ZNF880: variants seen among roughly 807,000 people sequenced by gnomAD.
The protein encoded by ZNF880 is zinc finger protein 880.
In ZNF880, 12 loss-of-function variants were observed where a neutral mutation model predicts 11.8. The ratio of observed to expected loss-of-function variants is 1.02; its 90% CI spans 0.65 to 1.65. The LOEUF (loss-of-function observed/expected upper bound fraction) is 1.65, where lower values mean the gene tolerates loss of function less well. Ranked by LOEUF, ZNF880 falls within the 40% of genes most tolerant of loss-of-function variation. The pLI is 0.00. For missense variants in ZNF880, 601 were observed against 673.9 expected, an observed-to-expected ratio of 0.89 and a Z score of 1.20; for synonymous variants, 210 against 232.4, an observed-to-expected ratio of 0.90 and a Z score of 0.88.
chr19:52,391,745 T>C, the ZNF880 span, among the ~76,000 whole-genome samples: 1 of 152,216 alleles, frequency 6.6e-6, no homozygotes, highest in African/African-American at 2.4e-5. Context: ...AGAGGTTAGC[T>C]TCCATTTGCT....
chr19:52,395,490 G>T, the ZNF880 span: 1 of 152,206 alleles, frequency 6.6e-6, no homozygotes, highest in Non-Finnish European at 1.5e-5. Flanking sequence ...TGTGAAGCAG[G>T]TTCACTGCAC....
Position 52,384,861 on chromosome 19 carries a change from A to G in ZNF880, c.1281A>G (p.Leu427=). The G allele has an allele frequency of 6.2e-7, 1 of 1,611,582 alleles. No individual in the cohort carries two copies. The highest frequency in any genetic ancestry group is 8.5e-7 in the Non-Finnish European group (1 of 1,178,572). Residue 427 remains leucine, a synonymous_variant, in exon 4 of 4, where the codon CTA becomes CTG. Coordinates refer to ENST00000422689, the MANE Select transcript of ZNF880 (RefSeq NM_001145434.2). Reference sequence around the variant, plus strand: ...ACTGTTCAGGCCTTACTGCCCATCTACTAATTCACACTGGAGAGAAACCTT... The same window carrying G: ...ACTGTTCAGGCCTTACTGCCCATCTGCTAATTCACACTGGAGAGAAACCTT... ...FRDCSGLTAH[L]LIHTGEKPYK... is the part of the protein sequence containing the mutation.
intron 1 of ZNF880, chr19:52,370,697 CTT>C (rs990295517): frequency 1.3e-5 from 2 of 152,174 alleles, no homozygotes; most frequent in African/African-American, 4.8e-5. Context: ...CATGGTCTGA[CTT>C]TTTGAAATAG....
chr19:52,378,923 T>A (rs1264309727), intron 3 of ZNF880, among the ~76,000 whole-genome samples: 1 of 150,320 alleles, frequency 6.7e-6, no homozygotes, highest in South Asian at 2.1e-4. Flanking sequence ...ACAAAACATA[T>A]AAAAATTTGG....
Position 52,383,837 on chromosome 19 carries a change from T to C in ZNF880, c.269-12T>C. ...CATGGGTTGAAGTTCCACTTTTTTC[T>C]TTCTTTTTTAGAGAGCAGCTCTAAA... On this transcript the variant is annotated splice_polypyrimidine_tract_variant and intron_variant, in intron 3 of 3. Transcript: ENST00000422689. The C allele has an allele frequency of 1.3e-6, 2 of 1,511,784 alleles. No individual in the cohort carries two copies. Among genetic ancestry groups the C allele is most frequent in the Non-Finnish European group, 1.8e-6 (2 of 1,132,408 alleles). The allele number at this position is 1,511,784 out of a possible 1,614,324, so 93.6% of individuals were successfully genotyped here.
Position 52,384,137 on chromosome 19 carries a change from G to A in ZNF880, c.557G>A (p.Cys186Tyr), listed in dbSNP as rs114874361. The A allele has an allele frequency of 7.8e-4, 1,252 of 1,604,672 alleles. 9 individuals carry two copies. The African/African-American group carries it at 0.014, about 18-fold the overall frequency. ...KAQIREKPCE[C>Y]NEHGKAFRVS... Reference sequence around the variant, plus strand: ...CAAATAAGGGAAAAACCGTGTGAATGTAATGAGCATGGCAAAGCCTTTAGA... The same window carrying A: ...CAAATAAGGGAAAAACCGTGTGAATATAATGAGCATGGCAAAGCCTTTAGA... The change falls in exon 4 of 4, where the codon TGT (cysteine) becomes TAT (tyrosine). Residue 186 changes from cysteine (C) to tyrosine (Y), a missense_variant. Physicochemically the swap from Cys to Tyr is radical, Grantham distance 194 (BLOSUM62 -2). Around this residue, in one of 3 missense-constraint regions of ZNF880, gnomAD observed 420 missense variants for 442.6 expected, o/e 0.95. Transcript: ENST00000422689.
At chr19:52,370,271 G>A (rs1986325204) in intron 1 of ZNF880, 1 of 447,478 alleles carries the variant, frequency 2.2e-6, no homozygotes, top group Admixed American at 3.5e-5. Flanking sequence ...GCTGCGTAAA[G>A]TTCTCACCCG....
intron 3 of ZNF880, among the ~76,000 whole-genome samples, chr19:52,375,115 G>T (rs1275792179): frequency 2.0e-5 from 3 of 147,408 alleles, no homozygotes; most frequent in African/African-American, 7.4e-5. Flanking sequence ...TTGCTTGTTT[G>T]TTTTTGAGAT....
intron 3 of ZNF880, chr19:52,379,527 C>T (rs762715700): frequency 6.7e-5 from 29 of 436,038 alleles, no homozygotes; most frequent in South Asian, 3.9e-4. Flanking sequence ...TCCCCAAGTG[C>T]TAGGATTACA....
downstream of ZNF880, among the ~76,000 whole-genome samples, chr19:52,386,171 C>A (rs867445995): frequency 0.031 from 2,366 of 76,262 alleles, 2 homozygotes; most frequent in Admixed American, 0.033. Flanking sequence ...GACTCTGTCT[C>A]AAAAAAAAAA....
the ZNF880 span, chr19:52,391,434 T>C: frequency 6.8e-6 from 1 of 146,108 alleles, no homozygotes; most frequent in Non-Finnish European, 1.5e-5. Context: ...GCAGAACAAG[T>C]GGAAGAGAAG....
At chr19:52,393,101 C>T in the ZNF880 span, among the ~76,000 whole-genome samples, 1 of 148,670 alleles carries the variant, frequency 6.7e-6, no homozygotes, top group Non-Finnish European at 1.5e-5. Context: ...GAGACAGAGT[C>T]TCACTCTGTT....
chr19:52,386,136 C>T (rs1252567005), downstream of ZNF880, among the ~76,000 whole-genome samples: 4 of 129,384 alleles, frequency 3.1e-5, no homozygotes, highest in Non-Finnish European at 4.8e-5. Flanking sequence ...CACGCCACTG[C>T]ACTCCAGCCT....
intron 3 of ZNF880, among the ~76,000 whole-genome samples, chr19:52,376,550 C>G (rs1474677137): frequency 8.2e-6 from 1 of 121,436 alleles, no homozygotes; most frequent in Admixed American, 1.0e-4. Flanking sequence ...TGCTCTGTCG[C>G]CCAGGCTGGA....
chr19:52,372,041 T>C (rs1375035979), intron 1 of ZNF880, among the ~76,000 whole-genome samples: 1 of 151,482 alleles, frequency 6.6e-6, no homozygotes, highest in Non-Finnish European at 1.5e-5. Flanking sequence ...ATAGAAAAAT[T>C]AGCTGGGCAC....
the ZNF880 span, among the ~76,000 whole-genome samples, chr19:52,396,057 C>A: frequency 6.6e-6 from 1 of 151,792 alleles, no homozygotes; most frequent in African/African-American, 2.4e-5. Flanking sequence ...CAGATTCAAG[C>A]AATTCTTGTG....
chr19:52,376,442 G>A (rs115390267), intron 3 of ZNF880, among the ~76,000 whole-genome samples: 13 of 141,540 alleles, frequency 9.2e-5, no homozygotes, highest in Non-Finnish European at 1.8e-4. Flanking sequence ...TCATATGTTT[G>A]TTGGCCATTT....
At chr19:52,375,606 G>A (rs1006859433) in intron 3 of ZNF880, among the ~76,000 whole-genome samples, 7 of 152,078 alleles carry the variant, frequency 4.6e-5, no homozygotes, top group Admixed American at 3.9e-4. Flanking sequence ...CATCACCCGA[G>A]CATTGTACGC....
chr19:52,384,930 C>A lies in ZNF880; in HGVS notation c.1350C>A (p.Ser450=). 1 of 1,589,964 alleles carries A rather than the reference C, an allele frequency of 6.3e-7. No individual in the cohort carries two copies. Among genetic ancestry groups the A allele is most frequent in the Non-Finnish European group, 8.6e-7 (1 of 1,166,940 alleles). ...ECAKVFRHRL[S]LSNHQRFHTG... Reference sequence around the variant, plus strand: ...CCAAGGTCTTCAGGCATAGATTATCCCTAAGCAATCATCAGAGATTTCATA... The same window carrying A: ...CCAAGGTCTTCAGGCATAGATTATCACTAAGCAATCATCAGAGATTTCATA... The change falls in exon 4 of 4, where the codon TCC becomes TCA. Residue 450 remains serine, a synonymous_variant. Coordinates refer to ENST00000422689, the MANE Select transcript of ZNF880 (RefSeq NM_001145434.2).
Sources: gnomAD v4.1 joint callset for allele counts (sites outside exome capture counted in the v4.1 genomes callset) on GRCh38, gnomAD v4.1.1 for gene constraint, gnomAD v4.1.1 regional missense constraint, MANE v1.5 for transcripts, NCBI Gene and HGNC (gene_info 2026-07-23, HGNC 2026-07-21) for gene names.